CAPN5: variants seen among roughly 807,000 people sequenced by gnomAD.
The protein encoded by CAPN5 is calpain-5.
In CAPN5, 54 loss-of-function variants were observed where a neutral mutation model predicts 73.0. The observed-to-expected ratio is 0.74, with a 90% confidence interval of 0.59 to 0.93. The LOEUF (loss-of-function observed/expected upper bound fraction) is 0.93. CAPN5 is among the 40% of genes least tolerant of loss of function. The pLI is 0.00. For synonymous variants in CAPN5, 335 were observed against 356.9 expected, an observed-to-expected ratio of 0.94 and a Z score of 0.69; for missense variants, 785 against 882.9, an observed-to-expected ratio of 0.89 and a Z score of 1.41.
intron 6 of CAPN5, 40 bp downstream of exon 6, chr11:77,115,628 G>A (rs781830838): frequency 3.7e-5 from 57 of 1,555,482 alleles, no homozygotes; most frequent in Non-Finnish European, 4.1e-5. Flanking sequence ...AGGGCATGAG[G>A]GCTTGGACAA....
At chr11:77,114,494 G>A (rs1950447182) in intron 5 of CAPN5, 60 bp downstream of exon 5, 1 of 1,467,202 alleles carries the variant, frequency 6.8e-7, no homozygotes, top group Admixed American at 1.7e-5. Flanking sequence ...GACTGAGATG[G>A]GAGACAACTG....
chr11:77,123,047 G>A (rs781968841), intron 12 of CAPN5, among the ~76,000 whole-genome samples: 2 of 152,246 alleles, frequency 1.3e-5, no homozygotes, highest in Admixed American at 6.5e-5. Flanking sequence ...GGAAAGTGGC[G>A]TTGAGCCACT....
intron 3 of CAPN5, among the ~76,000 whole-genome samples, chr11:77,105,950 C>T (rs1950342314): frequency 6.6e-6 from 1 of 152,170 alleles, no homozygotes; most frequent in Non-Finnish European, 1.5e-5. Context: ...TGTGGGTGGG[C>T]CAGGCTCTTG....
At chr11:77,085,131 T>C in intron 2 of CAPN5, 80 bp downstream of exon 2, 1 of 1,310,420 alleles carries the variant, frequency 7.6e-7, no homozygotes, top group Non-Finnish European at 1.1e-6. Context: ...GACATCGGGG[T>C]GGTGGGAGGA....
intron 1 of CAPN5, among the ~76,000 whole-genome samples, chr11:77,076,674 A>G (rs782666319): frequency 1.3e-5 from 2 of 152,182 alleles, no homozygotes; most frequent in East Asian, 1.9e-4. Context: ...TCGTTTATCC[A>G]TGTTGTCACA....
chr11:77,110,785 A>G (rs1412774720), intron 3 of CAPN5, among the ~76,000 whole-genome samples: 6 of 152,190 alleles, frequency 3.9e-5, no homozygotes, highest in Admixed American at 1.3e-4. Context: ...TTTGATGGTA[A>G]GAGTTTTGTT....
rs1591127423 is a variant in CAPN5 at position 77,097,285 on chromosome 11, C to T, written c.297+3472C>T. On this transcript the variant is annotated intron_variant, in intron 3 of 12. Coordinates refer to ENST00000648180, the MANE Select transcript of CAPN5 (RefSeq NM_004055.5). ...GACCGGGTTATATTAGCAGTTCCTG[C>T]TCTTTAGTTATCAAGCAGTTCCCTT... Among the ~76,000 whole-genome samples, 7 of 152,156 alleles carry T rather than the reference C, an allele frequency of 4.6e-5. No homozygotes were observed. In the East Asian group the frequency reaches 1.4e-3, roughly 29 times the overall value.
chr11:77,069,447 G>A (rs1949879430), intron 1 of CAPN5, among the ~76,000 whole-genome samples: 1 of 152,160 alleles, frequency 6.6e-6, no homozygotes, highest in South Asian at 2.1e-4. Flanking sequence ...GCTTTAGTGG[G>A]TGAAGGGGAC....
At chr11:77,098,479 C>T (rs1490315428) in intron 3 of CAPN5, among the ~76,000 whole-genome samples, 7 of 103,474 alleles carry the variant, frequency 6.8e-5, no homozygotes, top group East Asian at 4.1e-4. Context: ...ACCTCCCAGA[C>T]GGGGCGGCTG....
intron 1 of CAPN5, among the ~76,000 whole-genome samples, chr11:77,073,675 C>T (rs1017815525): frequency 9.2e-5 from 14 of 152,290 alleles, no homozygotes; most frequent in African/African-American, 2.2e-4. Flanking sequence ...AGCAGGAGAG[C>T]GGCCTGGTGG....
intron 9 of CAPN5, chr11:77,119,443 T>C (rs1950501936): frequency 5.0e-6 from 2 of 402,936 alleles, no homozygotes; most frequent in Non-Finnish European, 4.6e-6. Context: ...TACTGGTGGT[T>C]GGGGCCGGGC....
intron 2 of CAPN5, chr11:77,087,837 C>A: frequency 6.8e-7 from 1 of 1,462,666 alleles, no homozygotes; most frequent in Non-Finnish European, 9.2e-7. Context: ...CTCCTATTGA[C>A]TCTGCAGGTG....
chr11:77,111,043 T>C (rs1432604049), intron 3 of CAPN5, among the ~76,000 whole-genome samples: 1 of 152,094 alleles, frequency 6.6e-6, no homozygotes, highest in Non-Finnish European at 1.5e-5. Context: ...GGTGAGGGGT[T>C]TTCCCTTCTC....
At chr11:77,085,226 T>C (rs963280965) in intron 2 of CAPN5, among the ~76,000 whole-genome samples, 175 bp downstream of exon 2, 1 of 152,160 alleles carries the variant, frequency 6.6e-6, no homozygotes, top group Admixed American at 6.5e-5. Flanking sequence ...GAGAATGGGC[T>C]GTAATCCTGT....
At chr11:77,072,821 G>A (rs762628558) in intron 1 of CAPN5, among the ~76,000 whole-genome samples, 1 of 152,196 alleles carries the variant, frequency 6.6e-6, no homozygotes, top group Non-Finnish European at 1.5e-5. Flanking sequence ...TGGAGAAAAG[G>A]GCTGTCCTGG....
chr11:77,120,074 G>C (rs1321047304), intron 9 of CAPN5: 1 of 152,142 alleles, frequency 6.6e-6, no homozygotes, highest in Admixed American at 6.5e-5. Flanking sequence ...TTTACAGAGG[G>C]TCTTGCTCTG....
chr11:77,078,835 G>A (rs1555034240), intron 1 of CAPN5, among the ~76,000 whole-genome samples: 2 of 151,698 alleles, frequency 1.3e-5, no homozygotes, highest in Admixed American at 6.6e-5. Context: ...TTTTTCCATG[G>A]TAACTATTGT....
chr11:77,112,348 ACT>A (rs1338832673), intron 3 of CAPN5, among the ~76,000 whole-genome samples: 17 of 151,972 alleles, frequency 1.1e-4, no homozygotes, highest in Non-Finnish European at 2.5e-4. Flanking sequence ...AAGCTCACAC[ACT>A]CTGAGAACAA....
At chr11:77,118,971 G>T (rs1272598022) in intron 8 of CAPN5, 59 bp from the exon 9 acceptor site, 15 of 1,559,758 alleles carry the variant, frequency 9.6e-6, no homozygotes, top group Admixed American at 1.9e-5. Flanking sequence ...GAGCCAGCCA[G>T]CCCATGCCTG....
Sources: allele counts gnomAD v4.1 joint callset (sites outside exome capture counted in the v4.1 genomes callset), GRCh38; gene constraint gnomAD v4.1.1; transcripts MANE v1.5; gene names NCBI Gene and HGNC (gene_info 2026-07-23, HGNC 2026-07-21).